CSMD1: variants seen among roughly 807,000 people sequenced by gnomAD.
CSMD1 encodes CUB and sushi domain-containing protein 1.
Under a neutral mutation model 417.5 loss-of-function variants are expected in CSMD1, and 213 were observed. The observed-to-expected ratio is 0.51, with a 90% confidence interval of 0.46 to 0.57. The LOEUF is 0.57. Ranked by LOEUF, CSMD1 falls within the 20% of genes least tolerant of loss-of-function variation. The pLI is 0.00. For synonymous variants in CSMD1, 2,862 were observed against 1,736.8 expected, an observed-to-expected ratio of 1.65 and a Z score of -16.11; for missense variants, 6,923 against 4,529.7, an observed-to-expected ratio of 1.53 and a Z score of -15.17.
At chr8:3,404,101 G>C (rs143731454) in intron 15 of CSMD1, among the ~76,000 whole-genome samples, 3 of 152,222 alleles carry the variant, frequency 2.0e-5, no homozygotes, top group African/African-American at 7.2e-5. Flanking sequence ...CTGGTTAGAA[G>C]TTTCTACTTC....
intron 3 of CSMD1, among the ~76,000 whole-genome samples, chr8:4,367,161 G>A (rs546564265): frequency 6.6e-6 from 1 of 152,232 alleles, no homozygotes; most frequent in South Asian, 2.1e-4. Flanking sequence ...TGTTTTCTAT[G>A]ATTTTAATTG....
At chr8:3,760,640 G>A (rs1797941757) in intron 5 of CSMD1, among the ~76,000 whole-genome samples, 1 of 152,206 alleles carries the variant, frequency 6.6e-6, no homozygotes, top group Non-Finnish European at 1.5e-5. Context: ...AAAATGAAGA[G>A]TCAATTTATG....
intron 7 of CSMD1, among the ~76,000 whole-genome samples, chr8:3,657,902 G>C (rs1382502769): frequency 6.6e-6 from 1 of 152,104 alleles, no homozygotes; most frequent in East Asian, 1.9e-4. Flanking sequence ...TGGAGCTTCT[G>C]TGCAAATTTT....
chr8:3,166,539 A>T (rs568740221), intron 37 of CSMD1, among the ~76,000 whole-genome samples: 2 of 152,294 alleles, frequency 1.3e-5, no homozygotes, highest in East Asian at 1.9e-4. Flanking sequence ...ATCTCAAAAA[A>T]ATAAAATAAA....
chr8:3,793,481 A>T (rs6994844), intron 5 of CSMD1, among the ~76,000 whole-genome samples: 184 of 147,618 alleles, frequency 1.2e-3, no homozygotes, highest in African/African-American at 4.6e-3. Flanking sequence ...CCATCCAGCC[A>T]AGCCAGCCCT....
chr8:3,730,884 A>G (rs1389804996), intron 6 of CSMD1, among the ~76,000 whole-genome samples: 2 of 152,288 alleles, frequency 1.3e-5, no homozygotes, highest in South Asian at 2.1e-4. Context: ...GCTTTTAGCC[A>G]CTATAATACG....
At chr8:4,385,177 C>G (rs1300254225) in intron 3 of CSMD1, among the ~76,000 whole-genome samples, 9 of 151,924 alleles carry the variant, frequency 5.9e-5, no homozygotes, top group African/African-American at 1.9e-4. Flanking sequence ...TCCTCCCCGT[C>G]TCGGCGTCTT....
intron 48 of CSMD1, among the ~76,000 whole-genome samples, chr8:3,090,666 G>A (rs1356195083): frequency 1.3e-5 from 2 of 152,168 alleles, no homozygotes; most frequent in African/African-American, 2.4e-5. Flanking sequence ...TCCTCCGTCA[G>A]CACATATTGT....
chr8:3,074,056 G>T (rs1467174475), intron 49 of CSMD1, among the ~76,000 whole-genome samples: 4 of 152,224 alleles, frequency 2.6e-5, no homozygotes, highest in African/African-American at 9.6e-5. Flanking sequence ...TTTCTCACCT[G>T]GAGGCGCGGG....
At chr8:3,983,867 A>C (rs545188995) in intron 5 of CSMD1, among the ~76,000 whole-genome samples, 2 of 151,928 alleles carry the variant, frequency 1.3e-5, no homozygotes, top group East Asian at 3.9e-4. Context: ...TCTAGAGCAC[A>C]CAGCAGATCT....
intron 3 of CSMD1, among the ~76,000 whole-genome samples, chr8:4,305,978 C>T (rs1478434136): frequency 6.6e-6 from 1 of 152,088 alleles, no homozygotes; most frequent in Non-Finnish European, 1.5e-5. Flanking sequence ...ACATAGTGTG[C>T]CCAGACATTA....
chr8:4,697,355 T>C (rs921528730), intron 1 of CSMD1, among the ~76,000 whole-genome samples: 2 of 152,132 alleles, frequency 1.3e-5, no homozygotes, highest in African/African-American at 2.4e-5. Context: ...GAAATATTTA[T>C]GATGCTTTCA....
intron 3 of CSMD1, among the ~76,000 whole-genome samples, chr8:4,231,550 C>T (rs1801734251): frequency 6.6e-6 from 1 of 152,038 alleles, no homozygotes. Flanking sequence ...AAAGGCTAAG[C>T]AATGACAACA....
At chr8:4,053,817 C>T (rs185491704) in intron 3 of CSMD1, among the ~76,000 whole-genome samples, 1 of 152,100 alleles carries the variant, frequency 6.6e-6, no homozygotes, top group East Asian at 1.9e-4. Context: ...TAAAGCTTTA[C>T]AAAAATGTTC....
intron 5 of CSMD1, among the ~76,000 whole-genome samples, chr8:3,764,171 T>G (rs1028016036): frequency 1.3e-5 from 2 of 152,106 alleles, no homozygotes; most frequent in Non-Finnish European, 2.9e-5. Flanking sequence ...GGACCCCTCC[T>G]CCATTTAGAT....
At chr8:4,526,533 A>T (rs1428330249) in intron 2 of CSMD1, among the ~76,000 whole-genome samples, 2 of 152,248 alleles carry the variant, frequency 1.3e-5, no homozygotes, top group Non-Finnish European at 2.9e-5. Context: ...AACCAACTGA[A>T]TTATAGAACT....
At chr8:3,290,603 C>A (rs999008557) in intron 25 of CSMD1, among the ~76,000 whole-genome samples, 1 of 146,862 alleles carries the variant, frequency 6.8e-6, no homozygotes, top group Non-Finnish European at 1.5e-5. Context: ...AATGGGAGTT[C>A]ACTCATGATT....
At chr8:4,417,835 A>C (rs372316220) in intron 3 of CSMD1, among the ~76,000 whole-genome samples, 24 of 152,034 alleles carry the variant, frequency 1.6e-4, no homozygotes, top group African/African-American at 5.1e-4. Context: ...TATTTTATGC[A>C]CTCTTAATAA....
chr8:4,549,896 CAAA>C, intron 2 of CSMD1, among the ~76,000 whole-genome samples: 1 of 88,636 alleles, frequency 1.1e-5, no homozygotes, highest in Admixed American at 1.4e-4. Context: ...GACTTTGTCT[CAAA>C]AAAAAAAAAA....
Sources: allele counts gnomAD v4.1 joint callset (sites outside exome capture counted in the v4.1 genomes callset), GRCh38; gene constraint gnomAD v4.1.1; transcripts MANE v1.5; gene names NCBI Gene and HGNC (gene_info 2026-07-23, HGNC 2026-07-21).